PIK3CB: variants seen among roughly 807,000 people sequenced by gnomAD.
PIK3CB encodes the protein phosphatidylinositol-4,5-bisphosphate 3-kinase catalytic subunit beta, also known as phosphatidylinositol 4,5-bisphosphate 3-kinase catalytic subunit beta isoform.
A neutral mutation model predicts 136.8 loss-of-function variants in PIK3CB; 39 were observed. That is an observed-to-expected ratio of 0.29 (90% CI 0.22 to 0.37). The LOEUF is 0.37. PIK3CB is among the 10% of genes least tolerant of loss of function. PIK3CB has a pLI of 1.00. For synonymous variants in PIK3CB, 428 were observed against 436.6 expected (o/e 0.98, Z 0.25); for missense variants, 868 against 1,275.4 (o/e 0.68, Z 4.87).
chr3:138,694,691 C>T, intron 14 of PIK3CB, 95 bp downstream of exon 14: 2 of 1,260,552 alleles, frequency 1.6e-6, no homozygotes, highest in Non-Finnish European at 2.2e-6. Flanking sequence ...TAATTCTGAG[C>T]CCTTTTCTTT....
intron 1 of PIK3CB, among the ~76,000 whole-genome samples, chr3:138,822,149 A>AAAG (rs1933586715): frequency 6.6e-6 from 1 of 152,128 alleles, no homozygotes; most frequent in African/African-American, 2.4e-5. Context: ...AGAAAAAAAA[A>AAAG]AAGAATTCCA....
intron 1 of PIK3CB, among the ~76,000 whole-genome samples, chr3:138,823,358 T>C (rs1933643975): frequency 6.6e-6 from 1 of 151,634 alleles, no homozygotes; most frequent in Non-Finnish European, 1.5e-5. Context: ...AGTTATTGTA[T>C]AACTATGAAC....
At chr3:138,734,187 T>C (rs778071925) in intron 7 of PIK3CB, among the ~76,000 whole-genome samples, 23 of 152,148 alleles carry the variant, frequency 1.5e-4, no homozygotes, top group Non-Finnish European at 1.5e-4. Flanking sequence ...AAAACAATAG[T>C]GCCCTTCATA....
chr3:138,786,047 T>C (rs1303727046), intron 2 of PIK3CB, among the ~76,000 whole-genome samples: 2 of 152,064 alleles, frequency 1.3e-5, no homozygotes, highest in Non-Finnish European at 2.9e-5. Context: ...AGAATATATA[T>C]AGCATGACCA....
rs2230462 is a variant in PIK3CB, at chr3:138,691,020, C to A, written c.2016G>T (p.Gln672His). The change falls in exon 15 of 24, where the codon CAG becomes CAT. Residue 672 changes from glutamine to histidine, a missense_variant. Physicochemically the swap from Gln to His is conservative, Grantham distance 24. This residue lies in a region of PIK3CB where 612 missense variants were observed against 801.1 expected (regional missense o/e 0.76). Transcript: ENST00000674063. ...CTTACCTAAGATGCCAAAATAGAAA[C>A]TGCCCTATCCTCCGATTACCAAGTG... Reference protein sequence around the residue: ...ERALGNRRIGQFLFWHLRSEV... With the variant: ...ERALGNRRIGHFLFWHLRSEV... The A allele has an allele frequency of 2.5e-6, 4 of 1,611,516 alleles. No individual in the cohort carries two copies. Among genetic ancestry groups the A allele is most frequent in the Non-Finnish European group, 3.4e-6 (4 of 1,178,966 alleles).
At position 138,755,949 on chromosome 3, in the gene PIK3CB, T is replaced by A. The variant is rs1333841554; in HGVS notation, c.202A>T (p.Met68Leu). The change falls in exon 4 of 24, where the codon ATG becomes TTG. Residue 68 changes from methionine (M) to leucine (L), a missense_variant. Met to Leu is a conservative substitution (Grantham distance 15, BLOSUM62 2). Coordinates refer to ENST00000674063, the MANE Select transcript of PIK3CB (RefSeq NM_006219.3). Reference protein sequence around the residue: ...MLWKQVHNYPMFNLLMDIDSY... With the variant: ...MLWKQVHNYPLFNLLMDIDSY... Reference sequence around the variant, plus strand: ...TCAATATCCATAAGGAGGTTGAACATTGGGTAATTGTGAACTTGCTTCCAT... The same window carrying A: ...TCAATATCCATAAGGAGGTTGAACAATGGGTAATTGTGAACTTGCTTCCAT... 1 of 1,607,078 alleles carries A rather than the reference T, an allele frequency of 6.2e-7. No homozygotes were observed. Among genetic ancestry groups the A allele is most frequent in the Admixed American group, 1.7e-5 (1 of 59,590 alleles).
Position 138,779,696 on chromosome 3 carries a change from A to T in PIK3CB, c.-17+16767T>A, listed in dbSNP as rs1292231268. Among the ~76,000 whole-genome samples the T allele has an allele frequency of 1.4e-4, 21 of 145,228 alleles. No individual in the cohort carries two copies. In the South Asian group the frequency reaches 2.8e-3, roughly 20 times the overall value. ...GCATGAAATCGCTGCACCTGGCCAA[A>T]TTTTTTTTTTTTTTAATAGAGACAG... On this transcript the variant is annotated intron_variant, in intron 2 of 23. Transcript: ENST00000674063.
intron 5 of PIK3CB, among the ~76,000 whole-genome samples, chr3:138,738,361 C>T (rs987494009): frequency 2.0e-5 from 3 of 152,032 alleles, no homozygotes; most frequent in Non-Finnish European, 4.4e-5. Flanking sequence ...TTAGTAGAGA[C>T]AGGGTTTCAC....
chr3:138,770,807 G>A (rs904471513), intron 2 of PIK3CB, among the ~76,000 whole-genome samples: 1 of 151,964 alleles, frequency 6.6e-6, no homozygotes, highest in Non-Finnish European at 1.5e-5. Flanking sequence ...CGGCTCCCAG[G>A]TTCAAGCAGT....
At chr3:138,832,452 G>A (rs1287451175) in intron 1 of PIK3CB, among the ~76,000 whole-genome samples, 1 of 152,088 alleles carries the variant, frequency 6.6e-6, no homozygotes, top group Admixed American at 6.6e-5. Context: ...AGCATTTTGG[G>A]AGGCCCAGGC....
rs1559849494 is a variant in PIK3CB, at chr3:138,734,664, TGGAAGA to T, written c.936_941del (p.Leu315_Pro316del). On this transcript the variant is annotated inframe_deletion, in exon 7 of 24. Transcript: ENST00000674063. The stretch of plus-strand genomic sequence containing the variant: ...TAATTCGTGTTTTCTTTGGTGGTAA[TGGAAGA>T]GGAAGATTAGATGAATTTCGATTTA... 6.2e-7 allele frequency: 1 copy of T among 1,612,806 alleles called. No individual in the cohort carries two copies. The highest frequency in any genetic ancestry group is 1.7e-5 in the Admixed American group (1 of 59,902).
At chr3:138,737,665 A>T (rs1559851644) in intron 6 of PIK3CB, 42 bp downstream of exon 6, 1 of 789,676 alleles carries the variant, frequency 1.3e-6, no homozygotes, top group Non-Finnish European at 1.9e-6. Flanking sequence ...ATATATATAT[A>T]CTCATAGACT....
chr3:138,821,209 G>A (rs894875731), intron 1 of PIK3CB, among the ~76,000 whole-genome samples: 2 of 151,906 alleles, frequency 1.3e-5, no homozygotes, highest in African/African-American at 4.8e-5. Context: ...CCTTGAACCC[G>A]GGAGTCGGAA....
intron 4 of PIK3CB, among the ~76,000 whole-genome samples, chr3:138,744,441 AT>A (rs1299156373): frequency 6.9e-6 from 1 of 144,738 alleles, no homozygotes; most frequent in African/African-American, 2.5e-5. Context: ...ATCACCATAA[AT>A]GTCTTCATAA....
chr3:138,741,601 G>A (rs990694620), intron 5 of PIK3CB, among the ~76,000 whole-genome samples: 1 of 152,090 alleles, frequency 6.6e-6, no homozygotes, highest in African/African-American at 2.4e-5. Flanking sequence ...AGCTGAGGTG[G>A]GTGGATCATC....
intron 19 of PIK3CB, among the ~76,000 whole-genome samples, chr3:138,668,168 A>C (rs982161919): frequency 6.6e-6 from 1 of 152,144 alleles, no homozygotes; most frequent in African/African-American, 2.4e-5. Flanking sequence ...CATTCTCCTA[A>C]TGCAGCATTA....
intron 1 of PIK3CB, among the ~76,000 whole-genome samples, chr3:138,832,318 G>GA (rs1324083746): frequency 1.3e-5 from 2 of 152,138 alleles, no homozygotes; most frequent in Non-Finnish European, 2.9e-5. Context: ...CTCAGGGTGT[G>GA]AATCAGGGGT....
At chr3:138,778,686 T>C in intron 2 of PIK3CB, 1 of 207,304 alleles carries the variant, frequency 4.8e-6, no homozygotes, top group Non-Finnish European at 9.9e-6. Context: ...GATAACAACT[T>C]TTCCACCTTC....
chr3:138,708,263 C>G (rs1260028691), intron 10 of PIK3CB, among the ~76,000 whole-genome samples: 8 of 108,888 alleles, frequency 7.3e-5, no homozygotes, highest in Non-Finnish European at 1.5e-4. Flanking sequence ...TTTTCTTTTT[C>G]TTTTTTTTTT....
Sources: allele counts gnomAD v4.1 joint callset (sites outside exome capture counted in the v4.1 genomes callset), GRCh38; gene constraint gnomAD v4.1.1; regional missense constraint gnomAD v4.1.1; transcripts MANE v1.5; gene names NCBI Gene and HGNC (gene_info 2026-07-23, HGNC 2026-07-21).